The following EIF4E3 variants were observed in gnomAD, a reference collection of about 807,000 sequenced individuals.
EIF4E3 encodes eukaryotic translation initiation factor 4E type 3.
A neutral mutation model predicts 31.7 loss-of-function variants in EIF4E3; 26 were observed. The ratio of observed to expected loss-of-function variants is 0.82; its 90% CI spans 0.60 to 1.14. The LOEUF (loss-of-function observed/expected upper bound fraction) is 1.14. Among genes scored for constraint, EIF4E3 ranks in the 50% most tolerant of loss-of-function variants. EIF4E3 has a pLI of 0.00. For synonymous variants in EIF4E3, 128 were observed against 107.7 expected (o/e 1.19, Z -1.17); for missense variants, 304 against 270.9 (o/e 1.12, Z -0.86).
chr3:71,686,696 G>A (rs2048996851), intron 6 of EIF4E3, among the ~76,000 whole-genome samples: 1 of 152,094 alleles, frequency 6.6e-6, no homozygotes, highest in African/African-American at 2.4e-5. Context: ...CAGTGACCTG[G>A]TTTCCAAACA....
chr3:71,736,646 G>A (rs988275448), intron 1 of EIF4E3, among the ~76,000 whole-genome samples: 1 of 152,210 alleles, frequency 6.6e-6, no homozygotes, highest in Non-Finnish European at 1.5e-5. Context: ...CAGGGGTTCA[G>A]GTGTAGGAGA....
chr3:71,697,072 G>A (rs2049149374), intron 3 of EIF4E3, among the ~76,000 whole-genome samples: 1 of 152,022 alleles, frequency 6.6e-6, no homozygotes, highest in African/African-American at 2.4e-5. Flanking sequence ...CTGGAGTGCA[G>A]TGGCATGATC....
upstream of EIF4E3, among the ~76,000 whole-genome samples, chr3:71,729,875 T>G (rs1277897901): frequency 2.5e-4 from 37 of 148,256 alleles, no homozygotes. Flanking sequence ...CGGAACTCAT[T>G]GGCAATATGC....
chr3:71,729,417 C>T (rs959658088), upstream of EIF4E3, among the ~76,000 whole-genome samples: 1 of 152,134 alleles, frequency 6.6e-6, no homozygotes, highest in Non-Finnish European at 1.5e-5. Context: ...AAAGGCAGAA[C>T]ATGGGAGGGA....
chr3:71,692,949 T>C (rs1313744769), intron 5 of EIF4E3, among the ~76,000 whole-genome samples: 2 of 152,156 alleles, frequency 1.3e-5, no homozygotes, highest in Non-Finnish European at 1.5e-5. Context: ...AAAACAGAAG[T>C]GGAATGATTG....
intron 1 of EIF4E3, among the ~76,000 whole-genome samples, chr3:71,736,666 G>A (rs2049766710): frequency 6.6e-6 from 1 of 152,190 alleles, no homozygotes; most frequent in African/African-American, 2.4e-5. Flanking sequence ...AGGAAGGAAT[G>A]AATAGGCGGA....
At chr3:71,739,996 A>G (rs2049803701) in intron 1 of EIF4E3, among the ~76,000 whole-genome samples, 1 of 152,118 alleles carries the variant, frequency 6.6e-6, no homozygotes, top group African/African-American at 2.4e-5. Context: ...AGTGTATGTG[A>G]AGAGGTATAA....
chr3:71,664,582 GC>G, the EIF4E3 span, among the ~76,000 whole-genome samples: 1 of 151,944 alleles, frequency 6.6e-6, no homozygotes, highest in Non-Finnish European at 1.5e-5. Flanking sequence ...AGAGAGAGAG[GC>G]CCATTCTGTC....
rs1250107783 is a variant in EIF4E3 at position 71,707,015 on chromosome 3, C to A, written c.249+3397G>T. ...GATAAGTTAAATATCTTTACATACA[C>A]CTCTGTGTTAGTGGTGGTGCGATCC... On this transcript the variant is annotated intron_variant, in intron 2 of 6. Transcript: ENST00000425534. Among the ~76,000 whole-genome samples, 4 of 152,124 alleles carry A rather than the reference C, an allele frequency of 2.6e-5. No homozygotes were observed. The East Asian group carries it at 7.7e-4, about 29-fold the overall frequency.
intron 6 of EIF4E3, among the ~76,000 whole-genome samples, chr3:71,688,339 T>C (rs2049019806): frequency 6.6e-6 from 1 of 152,240 alleles, no homozygotes; most frequent in Non-Finnish European, 1.5e-5. Flanking sequence ...ATAAAACAGA[T>C]ATCTTATTAT....
rs764929070 is a variant in EIF4E3 at position 71,693,861 on chromosome 3, GTGGGCTGCT to G, written c.472+5_472+13del. On this transcript the variant is annotated splice_donor_5th_base_variant and intron_variant, in intron 5 of 6. Transcript: ENST00000425534. ...ACACGAGGCAGGGCCGGCCGGAGCC[GTGGGCTGCT>G]TTACCTGCTGCGGCACAGTCTGTGA... The G allele has an allele frequency of 6.5e-7, 1 of 1,540,814 alleles. No individual in the cohort carries two copies. The highest frequency in any genetic ancestry group is 1.2e-5 in the South Asian group (1 of 82,002).
chr3:71,706,253 A>T (rs62246326), intron 2 of EIF4E3, among the ~76,000 whole-genome samples: 22,606 of 152,028 alleles, frequency 0.15, 1,801 homozygotes, highest in East Asian at 0.36. Context: ...CCTAGAGGCA[A>T]GGCATGACTG....
downstream of EIF4E3, among the ~76,000 whole-genome samples, chr3:71,672,862 T>C (rs1014551262): frequency 6.6e-6 from 1 of 152,192 alleles, no homozygotes; most frequent in Non-Finnish European, 1.5e-5. Flanking sequence ...TTTGTTTACT[T>C]TAATTTAAAA....
intron 2 of EIF4E3, among the ~76,000 whole-genome samples, chr3:71,700,090 C>A (rs1325647024): frequency 6.6e-6 from 1 of 152,162 alleles, no homozygotes; most frequent in East Asian, 1.9e-4. Flanking sequence ...GGGAGAATAG[C>A]TTGAGCCTGG....
intron 1 of EIF4E3, among the ~76,000 whole-genome samples, chr3:71,752,807 G>A (rs1365076100): frequency 6.6e-6 from 1 of 152,216 alleles, no homozygotes; most frequent in Non-Finnish European, 1.5e-5. Context: ...GAGGCCCTAC[G>A]GAGAGGGAGC....
intron 3 of EIF4E3, among the ~76,000 whole-genome samples, chr3:71,697,085 A>G (rs2049149558): frequency 6.6e-6 from 1 of 151,782 alleles, no homozygotes; most frequent in Admixed American, 6.6e-5. Context: ...GCATGATCGT[A>G]GCTCACTGTA....
Position 71,748,454 on chromosome 3 carries a change from T to C in EIF4E3, c.-291+5009A>G, listed in dbSNP as rs533028016. Among the ~76,000 whole-genome samples the C allele has an allele frequency of 2.8e-4, 42 of 152,190 alleles. No homozygotes were observed. The South Asian group carries it at 5.4e-3, about 20-fold the overall frequency. Reference sequence around the variant, plus strand: ...GGTTTTCACCCTCTTCCAGAGTATATAGGGAGTCCCTGGAGATGAAGGTAG... The same window carrying C: ...GGTTTTCACCCTCTTCCAGAGTATACAGGGAGTCCCTGGAGATGAAGGTAG... On this transcript the variant is annotated intron_variant, in intron 1 of 7. Transcript: ENST00000295612.
At chr3:71,661,205 T>C in the EIF4E3 span, among the ~76,000 whole-genome samples, 5 of 151,770 alleles carry the variant, frequency 3.3e-5, no homozygotes, top group African/African-American at 1.2e-4. Context: ...CAATTAATCT[T>C]TGCAACATTC....
intron 1 of EIF4E3, among the ~76,000 whole-genome samples, chr3:71,746,948 G>C (rs1189374982): frequency 6.6e-6 from 1 of 152,238 alleles, no homozygotes; most frequent in Non-Finnish European, 1.5e-5. Context: ...CCACGCTGGA[G>C]CATCACATAC....
Sources: allele counts gnomAD v4.1 joint callset (sites outside exome capture counted in the v4.1 genomes callset), GRCh38; gene constraint gnomAD v4.1.1; transcripts MANE v1.5; gene names NCBI Gene and HGNC (gene_info 2026-07-23, HGNC 2026-07-21).